Variants in CHEK2 observed in about 807,000 individuals in gnomAD.
The protein encoded by CHEK2 is serine/threonine-protein kinase Chk2.
A neutral mutation model predicts 69.1 loss-of-function variants in CHEK2; 71 were observed. The ratio of observed to expected loss-of-function variants is 1.03; its 90% CI spans 0.85 to 1.25. The LOEUF (loss-of-function observed/expected upper bound fraction) is 1.25, where lower values mean the gene tolerates loss of function less well. CHEK2 is among the 50% of genes most tolerant of loss of function. CHEK2 has a pLI of 0.00. For missense variants in CHEK2, 664 were observed against 649.6 expected (o/e 1.02, Z -0.24); for synonymous variants, 189 against 226.9 (o/e 0.83, Z 1.50).
chr22:28,723,460 T>C (rs1219727885), intron 4 of CHEK2, among the ~76,000 whole-genome samples: 1 of 150,802 alleles, frequency 6.6e-6, no homozygotes, highest in Admixed American at 6.6e-5. Context: ...TAGGTGGGCG[T>C]GGTGGCGGGC....
chr22:28,694,794 C>T (rs2052498477), intron 12 of CHEK2, among the ~76,000 whole-genome samples: 1 of 152,188 alleles, frequency 6.6e-6, no homozygotes, highest in Non-Finnish European at 1.5e-5. Context: ...ATTTTGCTCA[C>T]TAAAATAGGT....
intron 1 of CHEK2, among the ~76,000 whole-genome samples, chr22:28,735,530 T>C (rs2070203641): frequency 1.3e-5 from 2 of 152,312 alleles, no homozygotes; most frequent in South Asian, 4.1e-4. Flanking sequence ...CCATTCTGGT[T>C]TTCACCTTCA....
intron 1 of CHEK2, among the ~76,000 whole-genome samples, chr22:28,741,220 ATT>A (rs1383828241): frequency 6.6e-6 from 1 of 151,714 alleles, no homozygotes; most frequent in African/African-American, 2.4e-5. Context: ...AAAATAAATA[ATT>A]TTTTTTAAAA....
chr22:28,708,361 ATATGTG>A (rs1424987773), intron 7 of CHEK2, among the ~76,000 whole-genome samples: 2 of 104,384 alleles, frequency 1.9e-5, no homozygotes, highest in Non-Finnish European at 3.9e-5. Flanking sequence ...GTCTCTAAAA[ATATGTG>A]TGTGTGTGTG....
At chr22:28,712,359 T>C (rs2053435585) in intron 5 of CHEK2, 3 of 315,610 alleles carry the variant, frequency 9.5e-6, no homozygotes, top group African/African-American at 4.2e-5. Context: ...CTAGAAACAG[T>C]CCTCCCTGGT....
chr22:28,695,399 G>A (rs553959467), intron 11 of CHEK2, among the ~76,000 whole-genome samples, 157 bp from the exon 12 acceptor site: 5 of 152,346 alleles, frequency 3.3e-5, no homozygotes, highest in African/African-American at 1.2e-4. Flanking sequence ...CCTTAGGCTT[G>A]TAATCCCAGC....
chr22:28,720,551 C>T (rs570493139), intron 4 of CHEK2, among the ~76,000 whole-genome samples: 1 of 152,240 alleles, frequency 6.6e-6, no homozygotes, highest in South Asian at 2.1e-4. Context: ...TTGCCTATGC[C>T]ATCTTGAAAG....
intron 6 of CHEK2, among the ~76,000 whole-genome samples, 162 bp from the exon 7 acceptor site, chr22:28,710,221 C>T (rs2053345350): frequency 6.6e-6 from 1 of 152,140 alleles, no homozygotes; most frequent in African/African-American, 2.4e-5. Context: ...AAATACCTCA[C>T]CTAAAATAAC....
Position 28,741,816 on chromosome 22 carries a change from A to G in CHEK2, c.-54T>C. On this transcript the variant is annotated 5_prime_UTR_variant, in exon 1 of 15. Coordinates refer to ENST00000404276, the MANE Select transcript of CHEK2 (RefSeq NM_007194.4). Reference sequence around the variant, plus strand: ...CACACTCTCCGCAGCCTCAGCCAGCAGAGTGGCGCTAAACCTGCAGATACA... The same window carrying G: ...CACACTCTCCGCAGCCTCAGCCAGCGGAGTGGCGCTAAACCTGCAGATACA... The G allele has an allele frequency of 1.9e-6, 1 of 537,828 alleles. No homozygotes were observed. Among genetic ancestry groups the G allele is most frequent in the Non-Finnish European group, 3.4e-6 (1 of 298,294 alleles). 33.3% of individuals were successfully genotyped at this position (537,828 alleles called of 1,614,324 possible).
chr22:28,711,094 C>G (rs1178356941), intron 6 of CHEK2, among the ~76,000 whole-genome samples: 1 of 152,074 alleles, frequency 6.6e-6, no homozygotes, highest in Non-Finnish European at 1.5e-5. Flanking sequence ...AAACAGCTGG[C>G]CACTAGGGAA....
intron 5 of CHEK2, among the ~76,000 whole-genome samples, chr22:28,713,978 G>A (rs1365640653): frequency 1.3e-5 from 2 of 152,238 alleles, no homozygotes; most frequent in Non-Finnish European, 2.9e-5. Flanking sequence ...ACCGTGCCCA[G>A]CCTGGACACT....
In CHEK2 at chr22:28,695,006, A is replaced by G. The variant is rs555987511; in HGVS notation, c.1375+121T>C. ...GTGCCTCTCAAATGGTGTGAAACTA[A>G]CAATAGAAAATAAGAACAGAATTGA... On this transcript the variant is annotated intron_variant, in intron 12 of 14. Coordinates refer to ENST00000404276, the MANE Select transcript of CHEK2 (RefSeq NM_007194.4). 1.6e-3 allele frequency: 1,153 copies of G among 705,920 alleles called. 2 individuals carry two copies. Among genetic ancestry groups the G allele is most frequent in the Non-Finnish European group, 2.6e-3 (989 of 385,198 alleles). The allele number at this position is 705,920 out of a possible 1,614,324, so 43.7% of individuals were successfully genotyped here. A position where few individuals can be genotyped will look rare whatever the true frequency, so the allele number is the denominator to read the frequency against.
At position 28,725,233 on chromosome 22, in the gene CHEK2, C is replaced by A; in HGVS notation, c.444+10G>T. On this transcript the variant is annotated intron_variant, in intron 3 of 14. Transcript: ENST00000404276. ...CAGCTCTCCTAGATACATGGGTATT[C>A]ATTACCTACCCTGAAAATCCGAAAG... 1 of 1,614,048 alleles carries A rather than the reference C, an allele frequency of 6.2e-7. No homozygotes were observed. The highest frequency in any genetic ancestry group is 8.5e-7 in the Non-Finnish European group (1 of 1,179,968).
At chr22:28,714,178 T>C (rs1270214255) in intron 5 of CHEK2, among the ~76,000 whole-genome samples, 2 of 152,238 alleles carry the variant, frequency 1.3e-5, no homozygotes, top group Non-Finnish European at 1.5e-5. Context: ...ACATTCCCGT[T>C]AGCAGTGCAT....
chr22:28,690,105 C>T (rs2267129), intron 13 of CHEK2, among the ~76,000 whole-genome samples: 61,519 of 151,986 alleles, frequency 0.4, 14,277 homozygotes, highest in East Asian at 0.63. Flanking sequence ...AACTCCAGCC[C>T]CTCCTCCCAC....
chr22:28,687,761 T>C lies in CHEK2; in HGVS notation c.*136A>G. The stretch of plus-strand genomic sequence containing the variant: ...ACAAAGCCCAGGTTCCATCAGGTTT[T>C]TAATTGTACATCAGTGACTGTGAAA... On this transcript the variant is annotated 3_prime_UTR_variant, in exon 15 of 15. Transcript: ENST00000404276. 1.4e-6 allele frequency: 1 copy of C among 739,040 alleles called. No homozygotes were observed. The highest frequency in any genetic ancestry group is 2.3e-6 in the Non-Finnish European group (1 of 429,028). The allele number at this position is 739,040 out of a possible 1,614,324, so 45.8% of individuals were successfully genotyped here.
intron 7 of CHEK2, among the ~76,000 whole-genome samples, chr22:28,706,658 T>A (rs1490079963): frequency 6.6e-6 from 1 of 151,886 alleles, no homozygotes; most frequent in Admixed American, 6.6e-5. Context: ...GTGGCTCACG[T>A]CTGTAATCCC....
intron 6 of CHEK2, among the ~76,000 whole-genome samples, chr22:28,711,040 GA>G (rs942039053): frequency 2.0e-5 from 3 of 151,884 alleles, no homozygotes; most frequent in East Asian, 1.9e-4. Flanking sequence ...TGTCTAGGGG[GA>G]AAAAAAATTG....
rs771386331 is a variant in CHEK2 at position 28,725,119 on chromosome 22, C to T, written c.450G>A (p.Val150=). The T allele has an allele frequency of 1.2e-6, 2 of 1,614,076 alleles. No homozygotes were observed. Among genetic ancestry groups the T allele is most frequent in the Non-Finnish European group, 1.7e-6 (2 of 1,179,984 alleles). The change falls in exon 4 of 15, where the codon GTG becomes GTA. Residue 150 remains valine (V), a synonymous_variant. Transcript: ENST00000404276. ...SKKHFRIFRE[V]GPKNSYIAYI... Reference sequence around the variant, plus strand: ...ATGCAATGTAAGAGTTTTTAGGACCCACTTCCTAAAATAGAGAACATTTTG... The same window carrying T: ...ATGCAATGTAAGAGTTTTTAGGACCTACTTCCTAAAATAGAGAACATTTTG...
Sources: allele counts gnomAD v4.1 joint callset (sites outside exome capture counted in the v4.1 genomes callset), GRCh38; gene constraint gnomAD v4.1.1; transcripts MANE v1.5; gene names NCBI Gene and HGNC (gene_info 2026-07-23, HGNC 2026-07-21).